The following NSG2 variants were observed in gnomAD, a reference collection of about 807,000 sequenced individuals.
NSG2 encodes neuronal vesicle trafficking-associated protein 2.
NSG2 carries 4 observed loss-of-function variants against 16.9 expected under a neutral mutation model. That is an observed-to-expected ratio of 0.24 (90% CI 0.12 to 0.54). NSG2 has a LOEUF of 0.54. Among genes scored for constraint, NSG2 ranks in the 20% least tolerant of loss-of-function variants. The pLI, the probability that NSG2 is intolerant of heterozygous loss-of-function variation, is 0.95. For missense variants in NSG2, 179 were observed against 221.1 expected (o/e 0.81, Z 1.21); for synonymous variants, 98 against 88.7 (o/e 1.11, Z -0.59).
In NSG2 at chr5:174,092,486, CAGTT is replaced by C. The variant is rs1194530830; in HGVS notation, c.214-11741_214-11738del. Among the ~76,000 whole-genome samples the C allele has an allele frequency of 2.0e-5, 3 of 152,204 alleles. No individual in the cohort carries two copies. The South Asian group carries it at 6.2e-4, about 32-fold the overall frequency. On this transcript the variant is annotated intron_variant, in intron 3 of 4. Coordinates refer to ENST00000303177, the MANE Select transcript of NSG2 (RefSeq NM_015980.5). ...TATGGCCCTGCCCTTGAGGGGCTGT[CAGTT>C]GGTTGGGGAGGACGGATCACAGATG...
chr5:174,051,283 T>G (rs1759884824), intron 2 of NSG2, among the ~76,000 whole-genome samples: 1 of 151,986 alleles, frequency 6.6e-6, no homozygotes, highest in African/African-American at 2.4e-5. Context: ...CTGCCCCAAA[T>G]GTCAACAGCG....
At chr5:174,055,261 A>C (rs1287849028) in intron 2 of NSG2, among the ~76,000 whole-genome samples, 1 of 152,166 alleles carries the variant, frequency 6.6e-6, no homozygotes, top group Non-Finnish European at 1.5e-5. Context: ...GATCCTGTGG[A>C]GAGCACCTCA....
intron 3 of NSG2, among the ~76,000 whole-genome samples, chr5:174,097,094 A>G (rs1336450018): frequency 6.6e-6 from 1 of 152,074 alleles, no homozygotes; most frequent in Non-Finnish European, 1.5e-5. Flanking sequence ...TGTTATTGTT[A>G]CGACTCCTGC....
At chr5:174,068,524 C>CTGTGGAGGGTGCTGGTGA (rs1760180785) in intron 3 of NSG2, among the ~76,000 whole-genome samples, 2 of 126,208 alleles carry the variant, frequency 1.6e-5, no homozygotes, top group African/African-American at 6.9e-5. Flanking sequence ...GATCCTGGTG[C>CTGTGGAGGGTGCTGGTGA]TGTGGAAGGT....
chr5:174,091,049 T>C (rs1264201763), intron 3 of NSG2, among the ~76,000 whole-genome samples: 1 of 151,320 alleles, frequency 6.6e-6, no homozygotes, highest in Non-Finnish European at 1.5e-5. Flanking sequence ...CTTTTTTTTT[T>C]TTTTTTTTTT....
chr5:174,098,938 G>A (rs1760855954), intron 3 of NSG2, among the ~76,000 whole-genome samples: 1 of 152,180 alleles, frequency 6.6e-6, no homozygotes, highest in Admixed American at 6.5e-5. Flanking sequence ...GTGAAACCAA[G>A]GGCTTTAGAA....
At chr5:174,083,368 G>A (rs1252740055) in intron 3 of NSG2, among the ~76,000 whole-genome samples, 2 of 152,190 alleles carry the variant, frequency 1.3e-5, no homozygotes, top group South Asian at 2.1e-4. Flanking sequence ...ATCCCTGGGG[G>A]AAATTGTTCT....
At chr5:174,070,791 G>A (rs1403883018) in intron 3 of NSG2, among the ~76,000 whole-genome samples, 1 of 152,124 alleles carries the variant, frequency 6.6e-6, no homozygotes, top group Non-Finnish European at 1.5e-5. Context: ...TCCTCTGCCT[G>A]GCCTATCCCG....
In NSG2 at chr5:174,048,583, A is replaced by G. The variant is rs574703770; in HGVS notation, c.129+1699A>G. Among the ~76,000 whole-genome samples the G allele has an allele frequency of 2.6e-5, 4 of 152,340 alleles. No homozygotes were observed. In the South Asian group the frequency reaches 8.3e-4, roughly 32 times the overall value. On this transcript the variant is annotated intron_variant, in intron 2 of 4. Coordinates refer to ENST00000303177, the MANE Select transcript of NSG2 (RefSeq NM_015980.5). The stretch of plus-strand genomic sequence containing the variant: ...TTGGGGCTTTATGAGGCCAACAGCT[A>G]TAGCCTTGCAGATCTGCATGTCTTT...
chr5:174,095,379 A>G (rs1760780664), intron 3 of NSG2, among the ~76,000 whole-genome samples: 1 of 152,112 alleles, frequency 6.6e-6, no homozygotes, highest in East Asian at 1.9e-4. Context: ...GCAGGGCCAC[A>G]TTTCCTCTGA....
chr5:174,107,631 TG>T lies in NSG2; in HGVS notation c.*132del, dbSNP rs768185532. The T allele has an allele frequency of 3.7e-5, 15 of 402,616 alleles. No homozygotes were observed. Among genetic ancestry groups the T allele is most frequent in the Non-Finnish European group, 6.7e-5 (14 of 208,374 alleles). 24.9% of individuals were successfully genotyped at this position (402,616 alleles called of 1,614,324 possible). On this transcript the variant is annotated 3_prime_UTR_variant, in exon 5 of 5. Coordinates refer to ENST00000303177, the MANE Select transcript of NSG2 (RefSeq NM_015980.5). The surrounding 1 kb of genome is among the most constrained non-coding windows in gnomAD (Gnocchi z 4.5). Reference sequence around the variant, plus strand: ...GGGGCGGGGGCGGGGCAGGGCAGGGTGGGGGGAAGAACGCACCAAAAACGTG... The same window carrying T: ...GGGGCGGGGGCGGGGCAGGGCAGGGTGGGGGAAGAACGCACCAAAAACGTG...
At chr5:174,096,905 C>A (rs762904491) in intron 3 of NSG2, among the ~76,000 whole-genome samples, 2 of 152,124 alleles carry the variant, frequency 1.3e-5, no homozygotes, top group African/African-American at 4.8e-5. Flanking sequence ...GGTCAAGATG[C>A]CCATGATATA....
intron 2 of NSG2, among the ~76,000 whole-genome samples, chr5:174,054,868 T>C (rs1759943072): frequency 6.6e-6 from 1 of 152,210 alleles, no homozygotes; most frequent in African/African-American, 2.4e-5. Context: ...ACTGTGACCC[T>C]GGGTGAGTTT....
intron 3 of NSG2, among the ~76,000 whole-genome samples, chr5:174,073,568 AG>A (rs1248780470): frequency 1.3e-5 from 2 of 152,180 alleles, no homozygotes; most frequent in Admixed American, 1.3e-4. Flanking sequence ...GTTTTTGTCC[AG>A]GTGCTTTCGC....
intron 3 of NSG2, among the ~76,000 whole-genome samples, chr5:174,102,609 G>A (rs146642309): frequency 6.7e-6 from 1 of 148,670 alleles, no homozygotes; most frequent in East Asian, 1.9e-4. Context: ...ACTGGTTTCA[G>A]ATGAATCCTG....
chr5:174,095,881 C>T (rs1398932691), intron 3 of NSG2, among the ~76,000 whole-genome samples: 1 of 152,256 alleles, frequency 6.6e-6, no homozygotes, highest in Non-Finnish European at 1.5e-5. Context: ...TTATCTCTGA[C>T]ACACTGTAGG....
chr5:174,094,269 T>C (rs2113469092), intron 3 of NSG2, among the ~76,000 whole-genome samples: 1 of 152,280 alleles, frequency 6.6e-6, no homozygotes, highest in Non-Finnish European at 1.5e-5. Context: ...TCATGAGGTT[T>C]AAAGGAGATC....
intron 3 of NSG2, among the ~76,000 whole-genome samples, chr5:174,099,476 C>A (rs908851010): frequency 2.0e-5 from 3 of 152,144 alleles, no homozygotes; most frequent in African/African-American, 7.2e-5. Flanking sequence ...CATCCCCCTG[C>A]AAACATGCCT....
intron 3 of NSG2, among the ~76,000 whole-genome samples, chr5:174,091,556 C>G (rs1177701272): frequency 6.6e-6 from 1 of 151,936 alleles, no homozygotes; most frequent in African/African-American, 2.4e-5. Context: ...GGAAGGCTTC[C>G]TGGTGTGTGT....
Sources: allele counts gnomAD v4.1 joint callset (sites outside exome capture counted in the v4.1 genomes callset), GRCh38; gene constraint gnomAD v4.1.1; non-coding constraint Gnocchi (gnomAD v3.1); transcripts MANE v1.5; gene names NCBI Gene and HGNC (gene_info 2026-07-23, HGNC 2026-07-21).